SERPINA9: variants seen among roughly 807,000 people sequenced by gnomAD.
SERPINA9 encodes the protein serpin A9.
A neutral mutation model predicts 24.5 loss-of-function variants in SERPINA9; 32 were observed. The observed-to-expected ratio is 1.30, with a 90% CI of 0.98 to 1.75. The LOEUF (loss-of-function observed/expected upper bound fraction) is 1.75, where lower values mean the gene tolerates loss of function less well. SERPINA9 is among the 40% of genes most tolerant of loss of function. The pLI, the probability that SERPINA9 is intolerant of heterozygous loss-of-function variation, is 0.00. For missense variants in SERPINA9, 594 were observed against 497.1 expected (o/e 1.19, Z -1.85); for synonymous variants, 233 against 197.7 (o/e 1.18, Z -1.50).
intron 1 of SERPINA9, among the ~76,000 whole-genome samples, chr14:94,472,918 T>A (rs1179967232): frequency 1.3e-5 from 2 of 152,194 alleles, no homozygotes; most frequent in Non-Finnish European, 2.9e-5. Flanking sequence ...GACACAGATT[T>A]CAGCACCACA....
intron 1 of SERPINA9, among the ~76,000 whole-genome samples, chr14:94,472,654 G>A (rs1467327240): frequency 6.6e-6 from 1 of 152,142 alleles, no homozygotes; most frequent in African/African-American, 2.4e-5. Flanking sequence ...GAGCCCACTG[G>A]GAAGACAGAC....
At chr14:94,475,045 C>A (rs1039783870) in intron 1 of SERPINA9, among the ~76,000 whole-genome samples, 1 of 152,136 alleles carries the variant, frequency 6.6e-6, no homozygotes, top group Non-Finnish European at 1.5e-5. Context: ...TCAATTCCAC[C>A]CCATCCCCTA....
At chr14:94,470,240 G>T (rs1475605759) in intron 1 of SERPINA9, 2 of 1,000,480 alleles carry the variant, frequency 2.0e-6, no homozygotes, top group Non-Finnish European at 2.4e-6. Context: ...AGCCAGAAGT[G>T]GTTTCTCACC....
chr14:94,475,961 T>G (rs1899619963), intron 1 of SERPINA9, 175 bp downstream of exon 1: 1 of 865,926 alleles, frequency 1.2e-6, no homozygotes, highest in African/African-American at 1.7e-5. Flanking sequence ...GCCTGGCTTC[T>G]GTATCCACAA....
At chr14:94,471,545 C>A (rs1414876262) in intron 1 of SERPINA9, among the ~76,000 whole-genome samples, 3 of 152,166 alleles carry the variant, frequency 2.0e-5, no homozygotes, top group Admixed American at 6.5e-5. Flanking sequence ...AATTCTTTTG[C>A]AAACCTGTTC....
At chr14:94,470,616 C>T (rs1899264683) in intron 1 of SERPINA9, among the ~76,000 whole-genome samples, 1 of 152,234 alleles carries the variant, frequency 6.6e-6, no homozygotes, top group Admixed American at 6.5e-5. Context: ...CCTCTCTGGA[C>T]TTCTCTGTTT....
In SERPINA9 at chr14:94,469,213, C is replaced by G. The variant is rs1401512477; in HGVS notation, c.628G>C (p.Ala210Pro). 4 of 1,607,272 alleles carry G rather than the reference C, an allele frequency of 2.5e-6. No individual in the cohort carries two copies. Among genetic ancestry groups the G allele is most frequent in the Non-Finnish European group, 3.4e-6 (4 of 1,176,884 alleles). Reference protein sequence around the residue: ...MVLVNHIFFKAKWEKPFHPEY... With the variant: ...MVLVNHIFFKPKWEKPFHPEY... ...AAAAATCAACTTCTCAAATCCTTAC[C>G]TTTAAAGAAAATGTGGTTCACCAGA... is the stretch of plus-strand genomic sequence containing the variant. The change falls in exon 2 of 5, where the codon GCC (alanine) becomes CCC (proline). Residue 210 changes from alanine (A) to proline (P), a missense_variant and splice_region_variant. Coordinates refer to ENST00000674397, the MANE Select transcript of SERPINA9 (RefSeq NM_175739.4).
intron 4 of SERPINA9, chr14:94,464,288 TCTCTC>T (rs1411155710): frequency 2.9e-5 from 6 of 207,940 alleles, no homozygotes; most frequent in Non-Finnish European, 4.7e-5. Context: ...TCTCTCTCTC[TCTCTC>T]TCTCTCTCTC....
At chr14:94,466,595 T>G (rs1899015899) in intron 3 of SERPINA9, among the ~76,000 whole-genome samples, 1 of 152,224 alleles carries the variant, frequency 6.6e-6, no homozygotes, top group Non-Finnish European at 1.5e-5. Flanking sequence ...CTCACCATAC[T>G]AATTACAGAA....
chr14:94,465,422 G>A (rs370526685), intron 3 of SERPINA9, among the ~76,000 whole-genome samples: 1 of 152,208 alleles, frequency 6.6e-6, no homozygotes, highest in Non-Finnish European at 1.5e-5. Context: ...ATTACTGCAG[G>A]TGGCTTAGCG....
At chr14:94,469,139 T>C in intron 2 of SERPINA9, 74 bp downstream of exon 2, 1 of 1,370,642 alleles carries the variant, frequency 7.3e-7, no homozygotes, top group Non-Finnish European at 1.0e-6. Context: ...GTCTGGCTTG[T>C]GTATTTCACT....
At chr14:94,463,393 T>A (rs1421707864) in intron 4 of SERPINA9, 97 bp from the exon 5 acceptor site, 2 of 1,060,834 alleles carry the variant, frequency 1.9e-6, no homozygotes, top group Non-Finnish European at 2.8e-6. Context: ...AATGGTGATG[T>A]CTACCTTGAA....
At chr14:94,475,674 T>C (rs1899581063) in intron 1 of SERPINA9, among the ~76,000 whole-genome samples, 1 of 152,138 alleles carries the variant, frequency 6.6e-6, no homozygotes, top group African/African-American at 2.4e-5. Flanking sequence ...AAAGTATCTC[T>C]TCTCTCCATC....
intron 2 of SERPINA9, among the ~76,000 whole-genome samples, chr14:94,468,593 A>C (rs1899134124): frequency 6.6e-6 from 1 of 152,250 alleles, no homozygotes; most frequent in Admixed American, 6.5e-5. Flanking sequence ...AGGATCATAG[A>C]GCAAGTATGG....
intron 1 of SERPINA9, among the ~76,000 whole-genome samples, chr14:94,475,346 A>G (rs1899540956): frequency 1.3e-5 from 2 of 151,544 alleles, no homozygotes; most frequent in South Asian, 2.1e-4. Flanking sequence ...CATGTCCTTA[A>G]CCTTTTTATT....
rs779465152 is a variant in SERPINA9 at position 94,462,979 on chromosome 14, C to T, written c.*114G>A. 9.0e-6 allele frequency: 8 copies of T among 885,850 alleles called. No individual in the cohort carries two copies. Among genetic ancestry groups the T allele is most frequent in the Non-Finnish European group, 1.5e-5 (8 of 549,814 alleles). 54.9% of individuals were successfully genotyped at this position (885,850 alleles called of 1,614,324 possible). Reference sequence around the variant, plus strand: ...TTGAGCCTTGGAAGTGGCATCCCTGCCAGCGAATCCAGCTCCACTGGGGTC... The same window carrying T: ...TTGAGCCTTGGAAGTGGCATCCCTGTCAGCGAATCCAGCTCCACTGGGGTC... On this transcript the variant is annotated 3_prime_UTR_variant, in exon 5 of 5. Coordinates refer to ENST00000674397, the MANE Select transcript of SERPINA9 (RefSeq NM_175739.4).
chr14:94,475,636 AGGTCCAGTCCCCCTTC>A, intron 1 of SERPINA9, among the ~76,000 whole-genome samples: 1 of 152,220 alleles, frequency 6.6e-6, no homozygotes, highest in Middle Eastern at 3.4e-3. Flanking sequence ...CCCTCCTTTG[AGGTCCAGTCCCCCTTC>A]CTGGGCCTTA....
At chr14:94,463,411 A>T in intron 4 of SERPINA9, 115 bp from the exon 5 acceptor site, 1 of 888,022 alleles carries the variant, frequency 1.1e-6, no homozygotes, top group Non-Finnish European at 1.8e-6. Flanking sequence ...GAAAGGATTC[A>T]AGGTTCAAAT....
At chr14:94,473,519 CAAAAA>C (rs60938632) in intron 1 of SERPINA9, among the ~76,000 whole-genome samples, 2 of 82,800 alleles carry the variant, frequency 2.4e-5, no homozygotes, top group Non-Finnish European at 2.4e-5. Context: ...AACTCTGTCT[CAAAAA>C]AAAAAAAAAA....
Sources: gnomAD v4.1 joint callset for allele counts (sites outside exome capture counted in the v4.1 genomes callset) on GRCh38, gnomAD v4.1.1 for gene constraint, MANE v1.5 for transcripts, NCBI Gene and HGNC (gene_info 2026-07-23, HGNC 2026-07-21) for gene names.